Variants in ZNF385D observed in about 807,000 individuals in gnomAD.
ZNF385D encodes the protein zinc finger protein 385D, also known as zinc finger protein 659.
Under a neutral mutation model 35.8 loss-of-function variants are expected in ZNF385D, and 15 were observed. The observed-to-expected ratio is 0.42, with a 90% CI of 0.28 to 0.64. ZNF385D has a LOEUF of 0.64. ZNF385D is among the 30% of genes least tolerant of loss of function. The pLI, the probability that ZNF385D is intolerant of heterozygous loss-of-function variation, is 0.23. For synonymous variants in ZNF385D, 212 were observed against 186.8 expected (o/e 1.13, Z -1.10); for missense variants, 474 against 494.6 (o/e 0.96, Z 0.39).
chr3:21,905,898 T>G (rs1339766551), intron 3 of ZNF385D, among the ~76,000 whole-genome samples: 1 of 152,122 alleles, frequency 6.6e-6, no homozygotes, highest in Non-Finnish European at 1.5e-5. Flanking sequence ...TGAAAACTGT[T>G]AATTGTTGTT....
At chr3:21,810,536 A>T (rs1285542909) in intron 3 of ZNF385D, among the ~76,000 whole-genome samples, 1 of 151,964 alleles carries the variant, frequency 6.6e-6, no homozygotes, top group Non-Finnish European at 1.5e-5. Flanking sequence ...AAAACTATAT[A>T]TGTGTGTGTA....
At chr3:21,917,007 T>C (rs75260505) in intron 3 of ZNF385D, among the ~76,000 whole-genome samples, 158 of 152,278 alleles carry the variant, frequency 1.0e-3, no homozygotes, top group African/African-American at 3.6e-3. Flanking sequence ...AGATGAAAAA[T>C]CACATATTTT....
At chr3:22,215,274 G>A (rs1697796882) in intron 2 of ZNF385D, among the ~76,000 whole-genome samples, 1 of 152,008 alleles carries the variant, frequency 6.6e-6, no homozygotes, top group South Asian at 2.1e-4. Context: ...CAATGTTCAA[G>A]GAACAAGAGA....
chr3:22,292,174 A>G (rs1163162499), intron 2 of ZNF385D, among the ~76,000 whole-genome samples: 1 of 152,038 alleles, frequency 6.6e-6, no homozygotes, highest in Non-Finnish European at 1.5e-5. Context: ...AAACTTCATT[A>G]CTTCGTGGGT....
At chr3:21,856,633 G>C (rs1391221206) in intron 3 of ZNF385D, among the ~76,000 whole-genome samples, 1 of 151,234 alleles carries the variant, frequency 6.6e-6, no homozygotes, top group Non-Finnish European at 1.5e-5. Flanking sequence ...AATAAATCCA[G>C]AATCTGACCA....
chr3:21,897,537 G>T (rs576878860), intron 3 of ZNF385D, among the ~76,000 whole-genome samples: 1 of 151,990 alleles, frequency 6.6e-6, no homozygotes, highest in Non-Finnish European at 1.5e-5. Context: ...TTTATATAGG[G>T]TGTGCTGATT....
intron 4 of ZNF385D, among the ~76,000 whole-genome samples, chr3:21,502,873 G>T (rs1314810332): frequency 1.3e-5 from 2 of 152,138 alleles, no homozygotes; most frequent in Non-Finnish European, 2.9e-5. Context: ...AGGCACAAAT[G>T]GTTTCACAAT....
intron 3 of ZNF385D, among the ~76,000 whole-genome samples, chr3:21,546,940 T>A (rs2062394936): frequency 6.6e-6 from 1 of 151,936 alleles, no homozygotes. Flanking sequence ...AAGTGGACAC[T>A]CTTCCCTCTC....
rs1348766398 is a variant in ZNF385D at position 21,415,267 on chromosome 3, T to C, written c.*5947A>G. Reference sequence around the variant, plus strand: ...TCTTGTTATACCATGTCCTGCACACTACCTGGATTTGAGGAAGATTTTATA... The same window carrying C: ...TCTTGTTATACCATGTCCTGCACACCACCTGGATTTGAGGAAGATTTTATA... On this transcript the variant is annotated 3_prime_UTR_variant, in exon 8 of 8. Transcript: ENST00000281523. The C allele has an allele frequency of 6.6e-6, 1 of 152,138 alleles. No homozygotes were observed. The highest frequency in any genetic ancestry group is 1.5e-5 in the Non-Finnish European group (1 of 68,010). 9.4% of individuals were successfully genotyped at this position (152,138 alleles called of 1,614,324 possible).
intron 3 of ZNF385D, among the ~76,000 whole-genome samples, chr3:21,892,522 T>TA (rs1698921763): frequency 6.6e-6 from 1 of 152,208 alleles, no homozygotes; most frequent in South Asian, 2.1e-4. Flanking sequence ...ACTGATTTGG[T>TA]AAAACTCATT....
intron 3 of ZNF385D, chr3:22,133,797 G>A (rs1047452701): frequency 6.6e-6 from 1 of 151,930 alleles, no homozygotes; most frequent in African/African-American, 2.4e-5. Flanking sequence ...GACAAGCAGA[G>A]GGGCCATCCT....
intron 2 of ZNF385D, among the ~76,000 whole-genome samples, chr3:21,619,307 C>CA (rs2064935506): frequency 6.6e-6 from 1 of 152,122 alleles, no homozygotes; most frequent in Admixed American, 6.6e-5. Context: ...CCCATCCTCA[C>CA]AGTGACTGGC....
chr3:21,918,273 G>T (rs1175694247), intron 3 of ZNF385D, among the ~76,000 whole-genome samples: 2 of 152,168 alleles, frequency 1.3e-5, no homozygotes, highest in Non-Finnish European at 2.9e-5. Context: ...CTAATTAAGT[G>T]TGTAAACAGA....
At chr3:21,701,951 C>G (rs1488961638) in intron 1 of ZNF385D, among the ~76,000 whole-genome samples, 2 of 152,162 alleles carry the variant, frequency 1.3e-5, no homozygotes, top group Non-Finnish European at 2.9e-5. Context: ...ATCTTGGCTA[C>G]TTTCATGGGC....
intron 3 of ZNF385D, among the ~76,000 whole-genome samples, chr3:21,875,491 G>C (rs1392602009): frequency 2.0e-5 from 3 of 151,986 alleles, no homozygotes; most frequent in Non-Finnish European, 4.4e-5. Context: ...ACTAAATGTA[G>C]CATCTCTAAA....
intron 3 of ZNF385D, among the ~76,000 whole-genome samples, chr3:22,137,031 C>T (rs9873971): frequency 0.018 from 2,769 of 152,102 alleles, 35 homozygotes; most frequent in Non-Finnish European, 0.026. Flanking sequence ...TTGTCAAAGC[C>T]CATAGAATGT....
At chr3:21,744,040 C>T (rs1005628888) in intron 1 of ZNF385D, among the ~76,000 whole-genome samples, 2 of 152,100 alleles carry the variant, frequency 1.3e-5, no homozygotes, top group African/African-American at 4.8e-5. Context: ...TATCTCCCTA[C>T]CCCCATTCTC....
intron 2 of ZNF385D, among the ~76,000 whole-genome samples, chr3:22,218,259 C>T (rs1300805449): frequency 6.6e-6 from 1 of 151,968 alleles, no homozygotes; most frequent in Non-Finnish European, 1.5e-5. Context: ...GTAGGCTTTT[C>T]AGCATAGCCA....
intron 3 of ZNF385D, among the ~76,000 whole-genome samples, chr3:21,995,239 T>A (rs1299688691): frequency 6.6e-6 from 1 of 152,118 alleles, no homozygotes; most frequent in East Asian, 1.9e-4. Flanking sequence ...AATGGTATAG[T>A]TGTGTCAGGG....
Sources: gnomAD v4.1 joint callset for allele counts (sites outside exome capture counted in the v4.1 genomes callset) on GRCh38, gnomAD v4.1.1 for gene constraint, MANE v1.5 for transcripts, NCBI Gene and HGNC (gene_info 2026-07-23, HGNC 2026-07-21) for gene names.